Variants in PTPRM observed in about 807,000 individuals in gnomAD.
PTPRM encodes the protein protein tyrosine phosphatase receptor type M.
A neutral mutation model predicts 186.7 loss-of-function variants in PTPRM; 47 were observed. That is an observed-to-expected ratio of 0.25 (90% CI 0.20 to 0.32). The LOEUF (loss-of-function observed/expected upper bound fraction) is 0.32, where lower values mean the gene tolerates loss of function less well. Ranked by LOEUF, PTPRM falls within the 10% of genes least tolerant of loss-of-function variation. PTPRM has a pLI of 1.00. For synonymous variants in PTPRM, 668 were observed against 674.9 expected (o/e 0.99, Z 0.16); for missense variants, 1,494 against 1,865.0 (o/e 0.80, Z 3.66).
At chr18:7,772,893 T>G (rs958140374) in intron 1 of PTPRM, among the ~76,000 whole-genome samples, 32 of 152,310 alleles carry the variant, frequency 2.1e-4, no homozygotes, top group Non-Finnish European at 4.1e-4. Flanking sequence ...ATATGATTAA[T>G]AGCATTATAT....
At chr18:8,153,133 A>G (rs1340015187) in intron 14 of PTPRM, among the ~76,000 whole-genome samples, 2 of 152,216 alleles carry the variant, frequency 1.3e-5, no homozygotes, top group African/African-American at 4.8e-5. Flanking sequence ...CTAAGGAACA[A>G]TAGGCCCTTC....
chr18:7,854,526 C>G (rs1471983094), intron 2 of PTPRM, among the ~76,000 whole-genome samples: 1 of 152,066 alleles, frequency 6.6e-6, no homozygotes, highest in Non-Finnish European at 1.5e-5. Context: ...GTATAAGATA[C>G]TGGCAGGTAC....
intron 1 of PTPRM, among the ~76,000 whole-genome samples, chr18:7,747,161 T>C (rs948712635): frequency 1.3e-5 from 2 of 152,208 alleles, no homozygotes; most frequent in Non-Finnish European, 2.9e-5. Context: ...TAAGTTTCAC[T>C]TTTGTTTTTT....
At chr18:7,828,590 T>C (rs2045606142) in intron 2 of PTPRM, among the ~76,000 whole-genome samples, 1 of 152,112 alleles carries the variant, frequency 6.6e-6, no homozygotes, top group Admixed American at 6.5e-5. Flanking sequence ...AGGCGCTTCA[T>C]TTATGAGTGA....
At chr18:8,387,445 C>T (rs1351002791) in intron 31 of PTPRM, among the ~76,000 whole-genome samples, 1 of 151,414 alleles carries the variant, frequency 6.6e-6, no homozygotes, top group Non-Finnish European at 1.5e-5. Flanking sequence ...GCCGCTGCCG[C>T]ACAAGCAAGC....
At chr18:7,616,652 C>G (rs2037812741) in intron 1 of PTPRM, among the ~76,000 whole-genome samples, 1 of 152,222 alleles carries the variant, frequency 6.6e-6, no homozygotes. Flanking sequence ...GTGGGCCCGC[C>G]TCTTTCCTCT....
At chr18:7,629,544 C>T (rs1204436305) in intron 1 of PTPRM, among the ~76,000 whole-genome samples, 1 of 152,048 alleles carries the variant, frequency 6.6e-6, no homozygotes, top group East Asian at 1.9e-4. Flanking sequence ...GTACAAAAGC[C>T]CTTTTTGGAG....
chr18:8,013,038 G>A (rs192863739), intron 7 of PTPRM, among the ~76,000 whole-genome samples: 1 of 152,198 alleles, frequency 6.6e-6, no homozygotes, highest in East Asian at 1.9e-4. Flanking sequence ...GTCAAGAAGG[G>A]AGGGGAAGAT....
rs201614958 is a variant in PTPRM, at chr18:8,143,632, T to C, written c.2168-15T>C. On this transcript the variant is annotated splice_polypyrimidine_tract_variant and intron_variant, in intron 13 of 32. Coordinates refer to ENST00000580170, the MANE Select transcript of PTPRM (RefSeq NM_001105244.2). ...TACCTACAGTCTCTCCTTTTTCATT[T>C]CCTTTCATCTTCAGGAGCTGCCACT... 7 of 1,580,352 alleles carry C rather than the reference T, an allele frequency of 4.4e-6. No homozygotes were observed. The East Asian group carries it at 1.6e-4, about 35-fold the overall frequency.
chr18:7,872,615 G>A (rs908321884), intron 2 of PTPRM, among the ~76,000 whole-genome samples: 1 of 152,000 alleles, frequency 6.6e-6, no homozygotes, highest in African/African-American at 2.4e-5. Context: ...TTTCCTTGTC[G>A]GCAACAATAA....
At chr18:7,856,767 G>A (rs545691380) in intron 2 of PTPRM, among the ~76,000 whole-genome samples, 1 of 146,830 alleles carries the variant, frequency 6.8e-6, no homozygotes, top group Admixed American at 6.8e-5. Context: ...GTCATCAAGA[G>A]TGTGCCTGCT....
intron 2 of PTPRM, among the ~76,000 whole-genome samples, chr18:7,862,634 G>A (rs1218238414): frequency 6.6e-6 from 1 of 152,198 alleles, no homozygotes; most frequent in Non-Finnish European, 1.5e-5. Flanking sequence ...AAAGAGGAAG[G>A]TGGAAAACAA....
intron 20 of PTPRM, among the ~76,000 whole-genome samples, chr18:8,301,831 T>G (rs913333643): frequency 6.6e-6 from 1 of 152,106 alleles, no homozygotes; most frequent in African/African-American, 2.4e-5. Flanking sequence ...GGAATGGAGA[T>G]TGGTCAGGGT....
intron 7 of PTPRM, among the ~76,000 whole-genome samples, chr18:7,982,639 T>C (rs1447634601): frequency 6.6e-6 from 1 of 152,156 alleles, no homozygotes; most frequent in African/African-American, 2.4e-5. Context: ...TTAGGTACTG[T>C]ACATGATTGT....
At chr18:7,975,119 T>C (rs2054843971) in intron 7 of PTPRM, among the ~76,000 whole-genome samples, 1 of 152,192 alleles carries the variant, frequency 6.6e-6, no homozygotes, top group South Asian at 2.1e-4. Flanking sequence ...ACACATCAAA[T>C]GCTGGGAGGA....
chr18:8,227,461 TG>T (rs1267235495), intron 14 of PTPRM, among the ~76,000 whole-genome samples: 13 of 152,262 alleles, frequency 8.5e-5, no homozygotes, highest in African/African-American at 3.1e-4. Context: ...TTTGTGTTTA[TG>T]AGATGCTTGG....
chr18:8,289,537 CATATAT>C (rs375355209), intron 19 of PTPRM, among the ~76,000 whole-genome samples: 10 of 93,714 alleles, frequency 1.1e-4, no homozygotes, highest in East Asian at 2.5e-4. Context: ...TATATATACA[CATATAT>C]ATATATACAT....
intron 1 of PTPRM, among the ~76,000 whole-genome samples, chr18:7,648,689 G>A (rs750304806): frequency 5.3e-5 from 8 of 152,206 alleles, no homozygotes; most frequent in Non-Finnish European, 1.2e-4. Flanking sequence ...TGAAGGTTGA[G>A]AGAGGTGAGG....
At chr18:7,866,570 G>A (rs931233300) in intron 2 of PTPRM, among the ~76,000 whole-genome samples, 5 of 152,114 alleles carry the variant, frequency 3.3e-5, no homozygotes, top group Admixed American at 1.3e-4. Flanking sequence ...TATGATTTCC[G>A]TTCTTTTGCA....
Sources: gnomAD v4.1 joint callset for allele counts (sites outside exome capture counted in the v4.1 genomes callset) on GRCh38, gnomAD v4.1.1 for gene constraint, MANE v1.5 for transcripts, NCBI Gene and HGNC (gene_info 2026-07-23, HGNC 2026-07-21) for gene names.